The following PDE3A variants were observed in gnomAD, a reference collection of about 807,000 sequenced individuals.
The protein encoded by PDE3A is phosphodiesterase 3A, also known as cGMP-inhibited 3',5'-cyclic phosphodiesterase 3A.
In PDE3A, 43 loss-of-function variants were observed where a neutral mutation model predicts 98.3. That is an observed-to-expected ratio of 0.44 (90% CI 0.34 to 0.56). The LOEUF is 0.56. Ranked by LOEUF, PDE3A falls within the 20% of genes least tolerant of loss-of-function variation. The pLI, the probability that PDE3A is intolerant of heterozygous loss-of-function variation, is 0.01. For missense variants in PDE3A, 1,427 were observed against 1,440.7 expected (o/e 0.99, Z 0.15); for synonymous variants, 663 against 567.9 (o/e 1.17, Z -2.38).
chr12:20,547,763 C>T (rs35521901), intron 1 of PDE3A, among the ~76,000 whole-genome samples: 7,908 of 151,812 alleles, frequency 0.052, 370 homozygotes, highest in African/African-American at 0.13. Context: ...CCCGAGAAGC[C>T]CCTAAAAAGG....
At chr12:20,445,644 G>T (rs1364319801) in intron 1 of PDE3A, among the ~76,000 whole-genome samples, 1 of 152,126 alleles carries the variant, frequency 6.6e-6, no homozygotes, top group African/African-American at 2.4e-5. Flanking sequence ...ATTTTGGAAC[G>T]ATCAAGGAAC....
chr12:20,402,027 C>G (rs1944141472), intron 1 of PDE3A, among the ~76,000 whole-genome samples: 1 of 152,146 alleles, frequency 6.6e-6, no homozygotes, highest in Non-Finnish European at 1.5e-5. Flanking sequence ...CTTAGGAATT[C>G]ACAGACATAG....
At chr12:20,528,386 G>A (rs1052827269) in intron 1 of PDE3A, among the ~76,000 whole-genome samples, 2 of 152,154 alleles carry the variant, frequency 1.3e-5, no homozygotes, top group Non-Finnish European at 2.9e-5. Context: ...GTGACAATTC[G>A]GTAGTTGCCC....
At chr12:20,668,886 C>T (rs983045545) in intron 15 of PDE3A, among the ~76,000 whole-genome samples, 17 of 151,418 alleles carry the variant, frequency 1.1e-4, no homozygotes, top group Admixed American at 2.0e-4. Flanking sequence ...AGGCTTCAGA[C>T]GATCAAATTA....
At chr12:20,606,012 A>C (rs1228776525) in intron 2 of PDE3A, among the ~76,000 whole-genome samples, 1 of 152,200 alleles carries the variant, frequency 6.6e-6, no homozygotes, top group Non-Finnish European at 1.5e-5. Flanking sequence ...TCATAACTTG[A>C]CTATATTGGT....
At chr12:20,408,561 G>C (rs913451348) in intron 1 of PDE3A, among the ~76,000 whole-genome samples, 1 of 151,798 alleles carries the variant, frequency 6.6e-6, no homozygotes, top group Admixed American at 6.6e-5. Flanking sequence ...TTTTCATAAG[G>C]GTCATTTTTC....
chr12:20,413,668 C>G (rs988733458), intron 1 of PDE3A, among the ~76,000 whole-genome samples: 4 of 152,098 alleles, frequency 2.6e-5, no homozygotes, highest in African/African-American at 9.7e-5. Flanking sequence ...GATGCAGGGC[C>G]TAGCTCTACT....
intron 7 of PDE3A, 130 bp downstream of exon 7, chr12:20,633,908 C>G (rs1944440739): frequency 7.2e-6 from 4 of 554,050 alleles, no homozygotes; most frequent in Non-Finnish European, 1.3e-5. Context: ...TGATGTTGGT[C>G]AGGTCGGTCT....
At chr12:20,536,422 A>G (rs887457606) in intron 1 of PDE3A, among the ~76,000 whole-genome samples, 2 of 151,962 alleles carry the variant, frequency 1.3e-5, no homozygotes, top group Non-Finnish European at 2.9e-5. Context: ...AAAGTATACA[A>G]TTCATTGTTT....
At chr12:20,440,313 G>C (rs1185884117) in intron 1 of PDE3A, among the ~76,000 whole-genome samples, 1 of 152,292 alleles carries the variant, frequency 6.6e-6, no homozygotes, top group African/African-American at 2.4e-5. Context: ...TGGCATGGCT[G>C]TGTGATCCTA....
intron 15 of PDE3A, among the ~76,000 whole-genome samples, chr12:20,661,667 G>A (rs1253015996): frequency 6.6e-6 from 1 of 152,168 alleles, no homozygotes; most frequent in Admixed American, 6.5e-5. Flanking sequence ...CTCAAGCCTT[G>A]GCACCTTCCA....
At chr12:20,499,091 T>C (rs1945976335) in intron 1 of PDE3A, among the ~76,000 whole-genome samples, 3 of 152,192 alleles carry the variant, frequency 2.0e-5, no homozygotes, top group African/African-American at 7.2e-5. Context: ...TGGGTCCTGT[T>C]GTGTGCTCTG....
chr12:20,368,948 A>G lies in PDE3A; in HGVS notation c.-337A>G, dbSNP rs1285566209. Among the ~76,000 whole-genome samples the G allele has an allele frequency of 6.6e-6, 1 of 151,966 alleles. No individual in the cohort carries two copies. The highest frequency in any genetic ancestry group is 1.5e-5 in the Non-Finnish European group (1 of 67,968). On this transcript the variant is annotated 5_prime_UTR_variant, in exon 1 of 16. The change creates a new upstream start codon in the 5' untranslated region. Coordinates refer to ENST00000359062, the MANE Select transcript of PDE3A (RefSeq NM_000921.5). ...GAAGTAGGAAGAGACCCCGGAGGAT[A>G]TAAGTCGGGGGTGGGGGTGGAGCAG...
chr12:20,462,768 A>G (rs945476283), intron 1 of PDE3A, among the ~76,000 whole-genome samples: 25 of 152,072 alleles, frequency 1.6e-4, no homozygotes, highest in Non-Finnish European at 2.8e-4. Context: ...TAAAATATCA[A>G]CATACTTTAA....
At chr12:20,489,134 T>A (rs1218995106) in intron 1 of PDE3A, among the ~76,000 whole-genome samples, 1 of 152,214 alleles carries the variant, frequency 6.6e-6, no homozygotes, top group Non-Finnish European at 1.5e-5. Flanking sequence ...GTCTTCAGTT[T>A]ACAGTTAAGT....
chr12:20,662,353 T>G (rs1592158911), intron 15 of PDE3A, among the ~76,000 whole-genome samples: 1 of 150,004 alleles, frequency 6.7e-6, no homozygotes, highest in South Asian at 2.1e-4. Flanking sequence ...AGAACTGGAG[T>G]AAAAGTCACT....
At chr12:20,379,704 T>C (rs1444756026) in intron 1 of PDE3A, among the ~76,000 whole-genome samples, 1 of 151,782 alleles carries the variant, frequency 6.6e-6, no homozygotes, top group East Asian at 1.9e-4. Flanking sequence ...ACTAAGTTGA[T>C]TTAAGGAAAT....
chr12:20,572,056 A>G (rs893456684), intron 2 of PDE3A: 3 of 1,195,174 alleles, frequency 2.5e-6, no homozygotes, highest in Admixed American at 3.4e-5. Context: ...TCATGAAAGC[A>G]TGTTTTTAAA....
intron 1 of PDE3A, among the ~76,000 whole-genome samples, chr12:20,376,058 T>C (rs1383181054): frequency 1.3e-5 from 2 of 151,974 alleles, no homozygotes; most frequent in East Asian, 3.9e-4. Flanking sequence ...GGTGTACCTT[T>C]ACAGTCTGCT....
Sources: gnomAD v4.1 joint callset for allele counts (sites outside exome capture counted in the v4.1 genomes callset) on GRCh38, gnomAD v4.1.1 for gene constraint, MANE v1.5 for transcripts, NCBI Gene and HGNC (gene_info 2026-07-23, HGNC 2026-07-21) for gene names.